Variants in PKIB observed in about 807,000 individuals in gnomAD.
The protein encoded by PKIB is cAMP-dependent protein kinase inhibitor beta.
PKIB carries 2 observed loss-of-function variants against 4.5 expected under a neutral mutation model. That is an observed-to-expected ratio of 0.44 (90% CI 0.18 to 1.39). PKIB has a LOEUF of 1.39. Among genes scored for constraint, PKIB ranks in the 40% most tolerant of loss-of-function variants. PKIB has a pLI of 0.27. For missense variants in PKIB, 94 were observed against 92.6 expected, an observed-to-expected ratio of 1.02 and a Z score of -0.06; for synonymous variants, 38 against 36.0, an observed-to-expected ratio of 1.06 and a Z score of -0.20.
At chr6:122,576,939 A>C (rs1420896971) in intron 2 of PKIB, among the ~76,000 whole-genome samples, 3 of 151,970 alleles carry the variant, frequency 2.0e-5, no homozygotes, top group Non-Finnish European at 4.4e-5. Flanking sequence ...TGGTGGATCT[A>C]AAGAATTCCT....
At chr6:122,669,490 T>C (rs1209996916) in intron 2 of PKIB, among the ~76,000 whole-genome samples, 2 of 152,194 alleles carry the variant, frequency 1.3e-5, no homozygotes, top group African/African-American at 4.8e-5. Context: ...TGCTGATTAC[T>C]GCTGCTCTCT....
At chr6:122,573,965 AAAG>A (rs1773451962) in intron 2 of PKIB, among the ~76,000 whole-genome samples, 1 of 152,224 alleles carries the variant, frequency 6.6e-6, no homozygotes, top group Non-Finnish European at 1.5e-5. Flanking sequence ...CCAAACTGGA[AAAG>A]AAGAAGTCAA....
chr6:122,623,718 C>T (rs1174607249), intron 1 of PKIB, among the ~76,000 whole-genome samples: 1 of 152,088 alleles, frequency 6.6e-6, no homozygotes, highest in African/African-American at 2.4e-5. Context: ...TACACGCATA[C>T]ATATACACAA....
At chr6:122,591,886 GT>G (rs34795750) in intron 3 of PKIB, among the ~76,000 whole-genome samples, 113,409 of 142,720 alleles carry the variant, frequency 0.79, 45,233 homozygotes, top group South Asian at 0.94. Context: ...TGCCTGGCTA[GT>G]TTTTTTTTTT....
chr6:122,714,807 C>T (rs934310942), intron 3 of PKIB, among the ~76,000 whole-genome samples: 3 of 152,082 alleles, frequency 2.0e-5, no homozygotes, highest in Non-Finnish European at 2.9e-5. Context: ...CAAACTTTCA[C>T]GTCTTGCTCT....
intron 1 of PKIB, among the ~76,000 whole-genome samples, chr6:122,611,538 ACT>A (rs1398887594): frequency 2.0e-5 from 3 of 152,080 alleles, no homozygotes; most frequent in Non-Finnish European, 2.9e-5. Flanking sequence ...TTTTAAAAAA[ACT>A]CTTTTATCAG....
intron 2 of PKIB, among the ~76,000 whole-genome samples, chr6:122,577,372 A>G (rs1348880235): frequency 6.6e-6 from 1 of 152,162 alleles, no homozygotes; most frequent in Non-Finnish European, 1.5e-5. Context: ...ATTTGGATTC[A>G]TTTTGTTTGT....
chr6:122,675,958 G>T (rs1287668071), intron 3 of PKIB, among the ~76,000 whole-genome samples: 4 of 151,266 alleles, frequency 2.6e-5, no homozygotes, highest in Non-Finnish European at 5.9e-5. Context: ...TTTCATGGAA[G>T]ACAATTTTTC....
chr6:122,480,143 T>C (rs1775568266), intron 2 of PKIB: 1 of 151,918 alleles, frequency 6.6e-6, no homozygotes, highest in Non-Finnish European at 1.5e-5. Flanking sequence ...CACAAGTTCA[T>C]GTCATTCTCC....
chr6:122,630,554 T>A (rs1775653204), intron 1 of PKIB, among the ~76,000 whole-genome samples: 2 of 152,096 alleles, frequency 1.3e-5, no homozygotes, highest in African/African-American at 4.8e-5. Flanking sequence ...GGTAGTTTAA[T>A]GGGTATGAAA....
intron 2 of PKIB, among the ~76,000 whole-genome samples, chr6:122,667,138 T>C (rs1266024016): frequency 2.0e-5 from 3 of 152,310 alleles, no homozygotes; most frequent in South Asian, 4.1e-4. Flanking sequence ...CAGATGGAAA[T>C]AATGCGTCTA....
chr6:122,476,040 C>T (rs1453791117), intron 1 of PKIB, among the ~76,000 whole-genome samples: 1 of 152,010 alleles, frequency 6.6e-6, no homozygotes, highest in Non-Finnish European at 1.5e-5. Context: ...GGAAAATAAT[C>T]AGGTCATATT....
chr6:122,714,395 T>TA (rs1445863947), intron 3 of PKIB, among the ~76,000 whole-genome samples: 1 of 152,198 alleles, frequency 6.6e-6, no homozygotes, highest in African/African-American at 2.4e-5. Flanking sequence ...TTTTCGATCT[T>TA]AAAATAGTAG....
intron 3 of PKIB, among the ~76,000 whole-genome samples, chr6:122,598,113 C>T (rs1774235624): frequency 6.6e-6 from 1 of 152,178 alleles, no homozygotes; most frequent in African/African-American, 2.4e-5. Context: ...TGGAGTCCTT[C>T]CTCAAGGGCA....
chr6:122,628,703 G>A (rs1775569245), intron 1 of PKIB, among the ~76,000 whole-genome samples: 1 of 142,302 alleles, frequency 7.0e-6, no homozygotes, highest in African/African-American at 2.5e-5. Context: ...CCCCCAGTTA[G>A]ACTTATTGCC....
chr6:122,496,904 T>C (rs1347771531), intron 2 of PKIB, among the ~76,000 whole-genome samples: 1 of 152,120 alleles, frequency 6.6e-6, no homozygotes, highest in Non-Finnish European at 1.5e-5. Context: ...ACAAAATGAA[T>C]GTTATTAAAG....
chr6:122,688,010 T>C lies in PKIB; in HGVS notation c.-9+12866T>C, dbSNP rs35138526. Among the ~76,000 whole-genome samples, 746 of 152,246 alleles carry C rather than the reference T, an allele frequency of 4.9e-3. 2 individuals are homozygous for C. Among genetic ancestry groups the C allele is most frequent in the Non-Finnish European group, 7.3e-3 (498 of 67,982 alleles). ...CTATGTTGAATAACAGTAGTGAAAG[T>C]TGATATCCTTATTATATTCCAGATC... On this transcript the variant is annotated intron_variant, in intron 3 of 4. Transcript: ENST00000368452.
At chr6:122,650,873 G>A (rs1488399855) in intron 2 of PKIB, among the ~76,000 whole-genome samples, 1 of 152,164 alleles carries the variant, frequency 6.6e-6, no homozygotes, top group African/African-American at 2.4e-5. Flanking sequence ...CTTCAGTGTA[G>A]CAAGGCAGTT....
At chr6:122,511,517 T>C (rs113986692) in intron 2 of PKIB, among the ~76,000 whole-genome samples, 2,314 of 152,260 alleles carry the variant, frequency 0.015, 69 homozygotes, top group African/African-American at 0.054. Flanking sequence ...CTTCACTGGA[T>C]TCTTTTGGGT....
Sources: gnomAD v4.1 joint callset for allele counts (sites outside exome capture counted in the v4.1 genomes callset) on GRCh38, gnomAD v4.1.1 for gene constraint, MANE v1.5 for transcripts, NCBI Gene and HGNC (gene_info 2026-07-23, HGNC 2026-07-21) for gene names.